The following FAM169A variants were observed in gnomAD, a reference collection of about 807,000 sequenced individuals.
FAM169A encodes the protein family with sequence similarity 169 member A.
FAM169A carries 24 observed loss-of-function variants against 75.7 expected under a neutral mutation model. That is an observed-to-expected ratio of 0.32 (90% CI 0.23 to 0.45). The LOEUF (loss-of-function observed/expected upper bound fraction) is 0.45, where lower values mean the gene tolerates loss of function less well. Ranked by LOEUF, FAM169A falls within the 20% of genes least tolerant of loss-of-function variation. The pLI, the probability that FAM169A is intolerant of heterozygous loss-of-function variation, is 1.00. For missense variants in FAM169A, 673 were observed against 784.0 expected (o/e 0.86, Z 1.69); for synonymous variants, 271 against 271.0 (o/e 1.00, Z 0.00).
chr5:74,866,114 C>G lies in FAM169A; in HGVS notation c.-4+51G>C, dbSNP rs994962159. 94 of 902,034 alleles carry G rather than the reference C, an allele frequency of 1.0e-4. No homozygotes were observed. In the African/African-American group the frequency reaches 1.6e-3, roughly 15 times the overall value. 55.9% of individuals were successfully genotyped at this position (902,034 alleles called of 1,614,324 possible). A position where few individuals can be genotyped will look rare whatever the true frequency, so the allele number is the denominator to read the frequency against. The stretch of plus-strand genomic sequence containing the variant: ...GGCGGGGGCGCGGGGCCCGGCGCGG[C>G]CGTCTCGGCCTCACCCAGCGGTCCG... On this transcript the variant is annotated intron_variant, in intron 1 of 12. Transcript: ENST00000687041.
At position 74,781,348 on chromosome 5, in the gene FAM169A, T is replaced by C; in HGVS notation, c.*112A>G. 6.9e-6 allele frequency: 7 copies of C among 1,015,336 alleles called. No individual in the cohort carries two copies. The highest frequency in any genetic ancestry group is 4.7e-4 in the Middle Eastern group (2 of 4,242). The allele number at this position is 1,015,336 out of a possible 1,614,324, so 62.9% of individuals were successfully genotyped here. ...AACTGCATAGTAAGTAAGTTCAAAT[T>C]GAAATTTTGGAAATTTTTGTCCTGT... On this transcript the variant is annotated 3_prime_UTR_variant, in exon 13 of 13. Transcript: ENST00000687041.
At chr5:74,797,900 A>T (rs1365209866) in intron 10 of FAM169A, among the ~76,000 whole-genome samples, 1 of 152,076 alleles carries the variant, frequency 6.6e-6, no homozygotes, top group African/African-American at 2.4e-5. Context: ...ATATATAAAA[A>T]TATATATGCT....
chr5:74,840,918 C>A (rs1250169324), intron 2 of FAM169A, among the ~76,000 whole-genome samples: 3 of 151,244 alleles, frequency 2.0e-5, no homozygotes, highest in African/African-American at 7.3e-5. Flanking sequence ...TTTTTGCCTT[C>A]ATTTAATCCA....
At chr5:74,796,410 CT>C (rs368746360) in intron 10 of FAM169A, among the ~76,000 whole-genome samples, 3 of 138,248 alleles carry the variant, frequency 2.2e-5, no homozygotes, top group East Asian at 4.1e-4. Context: ...CTTAATGGAT[CT>C]TTTTTTTTTT....
intron 1 of FAM169A, among the ~76,000 whole-genome samples, chr5:74,854,391 T>C (rs977692128): frequency 3.6e-5 from 5 of 137,188 alleles, no homozygotes; most frequent in African/African-American, 3.2e-5. Context: ...CGAGACTCCA[T>C]CTCAAAAATA....
In FAM169A at chr5:74,779,941, A is replaced by C. The variant is rs1745328875; in HGVS notation, c.*1519T>G. ...CACAAAGTCTTAGTTTCTTTTGCAT[A>C]AGGATCAAGATCAAGCTATTTTTAA... On this transcript the variant is annotated 3_prime_UTR_variant, in exon 13 of 13. Coordinates refer to ENST00000687041, the MANE Select transcript of FAM169A (RefSeq NM_001376049.1). 6.6e-6 allele frequency: 1 copy of C among 152,222 alleles called. No individual in the cohort carries two copies. The highest frequency in any genetic ancestry group is 1.5e-5 in the Non-Finnish European group (1 of 68,038). 9.4% of individuals were successfully genotyped at this position (152,222 alleles called of 1,614,324 possible). A position where few individuals can be genotyped will look rare whatever the true frequency, so the allele number is the denominator to read the frequency against.
intron 12 of FAM169A, 67 bp downstream of exon 12, chr5:74,782,864 G>T: frequency 1.7e-6 from 2 of 1,148,174 alleles, no homozygotes; most frequent in Non-Finnish European, 2.5e-6. Context: ...TATATACCAT[G>T]CACCCTCCTC....
At chr5:74,857,717 T>C (rs1749798881) in intron 1 of FAM169A, among the ~76,000 whole-genome samples, 1 of 151,056 alleles carries the variant, frequency 6.6e-6, no homozygotes, top group Non-Finnish European at 1.5e-5. Flanking sequence ...CAATAAATTC[T>C]ACCCAAAAAT....
intron 10 of FAM169A, among the ~76,000 whole-genome samples, chr5:74,798,008 G>T (rs898222903): frequency 6.6e-6 from 1 of 152,196 alleles, no homozygotes; most frequent in African/African-American, 2.4e-5. Context: ...TGGCCTACAG[G>T]CCATAGTTGG....
chr5:74,797,700 G>A (rs1746351667), intron 10 of FAM169A, among the ~76,000 whole-genome samples: 1 of 152,270 alleles, frequency 6.6e-6, no homozygotes, highest in East Asian at 1.9e-4. Context: ...ACTGGCTAAT[G>A]GCTATCATAC....
chr5:74,782,512 T>C (rs1169343745), intron 12 of FAM169A, among the ~76,000 whole-genome samples: 1 of 152,208 alleles, frequency 6.6e-6, no homozygotes, highest in East Asian at 1.9e-4. Context: ...TATTCAAAAG[T>C]AACAAAATTA....
chr5:74,839,715 G>GGT (rs1053255406), intron 3 of FAM169A, among the ~76,000 whole-genome samples: 17 of 151,644 alleles, frequency 1.1e-4, no homozygotes, highest in African/African-American at 4.1e-4. Flanking sequence ...GTAGAGACAG[G>GGT]GTTTCACCAT....
intron 1 of FAM169A, among the ~76,000 whole-genome samples, chr5:74,844,941 A>G (rs1749074770): frequency 6.6e-6 from 1 of 152,242 alleles, no homozygotes; most frequent in Non-Finnish European, 1.5e-5. Context: ...GCATTTACCC[A>G]ATAACCTCTT....
At chr5:74,832,674 C>T (rs1368638682) in intron 5 of FAM169A, among the ~76,000 whole-genome samples, 5 of 149,396 alleles carry the variant, frequency 3.3e-5, no homozygotes, top group East Asian at 1.9e-4. Flanking sequence ...TATATATATA[C>T]ACACACATAT....
intron 5 of FAM169A, among the ~76,000 whole-genome samples, chr5:74,814,988 C>A (rs1030578540): frequency 2.6e-5 from 4 of 152,104 alleles, no homozygotes; most frequent in African/African-American, 4.8e-5. Context: ...AAACATCTCA[C>A]AAATTGTCTT....
At position 74,841,710 on chromosome 5, in the gene FAM169A, A is replaced by G. The variant is rs1186969180; in HGVS notation, c.-3-31T>C. 1.9e-6 allele frequency: 3 copies of G among 1,569,272 alleles called. No homozygotes were observed. The African/African-American group carries it at 4.1e-5, about 21-fold the overall frequency. On this transcript the variant is annotated intron_variant, in intron 1 of 12. Coordinates refer to ENST00000687041, the MANE Select transcript of FAM169A (RefSeq NM_001376049.1). Reference sequence around the variant, plus strand: ...ACAAACAACATGGAACAAACAATTCAGAATATGAAACGCCATCTTCCTTTA... The same window carrying G: ...ACAAACAACATGGAACAAACAATTCGGAATATGAAACGCCATCTTCCTTTA...
chr5:74,837,571 C>A (rs1748633463), intron 4 of FAM169A, among the ~76,000 whole-genome samples: 1 of 152,156 alleles, frequency 6.6e-6, no homozygotes, highest in Admixed American at 6.5e-5. Flanking sequence ...CCGCAAGTTT[C>A]TTCAGTTTCT....
At chr5:74,808,675 A>G (rs1747014604) in intron 6 of FAM169A, among the ~76,000 whole-genome samples, 1 of 152,242 alleles carries the variant, frequency 6.6e-6, no homozygotes, top group African/African-American at 2.4e-5. Flanking sequence ...AGCACACTAA[A>G]TAATATTTTA....
chr5:74,805,281 C>G lies in FAM169A; in HGVS notation c.674G>C (p.Cys225Ser), dbSNP rs1360352925. 1 of 1,608,692 alleles carries G rather than the reference C, an allele frequency of 6.2e-7. No individual in the cohort carries two copies. The highest frequency in any genetic ancestry group is 1.1e-5 in the South Asian group (1 of 89,562). Residue 225 changes from cysteine to serine, a missense_variant, in exon 7 of 13, where the codon TGC becomes TCC. Cys to Ser is a moderately radical substitution (Grantham distance 112). This residue lies in a region of FAM169A where 510 missense variants were observed against 550.9 expected (regional missense o/e 0.93). Transcript: ENST00000687041. ...TGGATACTTCTCAAAGTATTGCTTG[C>G]AAGCTGAAAAACACATTTAGAATTT... is the stretch of plus-strand genomic sequence containing the variant. ...YPLSSLMYTA[C>S]KQYFEKYPGD...
Sources: allele counts gnomAD v4.1 joint callset (sites outside exome capture counted in the v4.1 genomes callset), GRCh38; gene constraint gnomAD v4.1.1; regional missense constraint gnomAD v4.1.1; transcripts MANE v1.5; gene names NCBI Gene and HGNC (gene_info 2026-07-23, HGNC 2026-07-21).